SGCZ: variants seen among roughly 807,000 people sequenced by gnomAD.
The protein encoded by SGCZ is sarcoglycan zeta.
In SGCZ, 40 loss-of-function variants were observed where a neutral mutation model predicts 41.3. The observed-to-expected ratio is 0.97, with a 90% confidence interval of 0.75 to 1.26. The LOEUF (loss-of-function observed/expected upper bound fraction) is 1.26, where lower values mean the gene tolerates loss of function less well. Ranked by LOEUF, SGCZ falls within the 50% of genes most tolerant of loss-of-function variation. The pLI is 0.00. For missense variants in SGCZ, 552 were observed against 369.8 expected, an observed-to-expected ratio of 1.49 and a Z score of -4.04; for synonymous variants, 206 against 137.5, an observed-to-expected ratio of 1.50 and a Z score of -3.49.
chr8:14,921,130 C>A (rs1367469669), intron 1 of SGCZ, among the ~76,000 whole-genome samples: 1 of 152,168 alleles, frequency 6.6e-6, no homozygotes, highest in Non-Finnish European at 1.5e-5. Flanking sequence ...AGGACTGTTG[C>A]GATTGGATTA....
chr8:14,491,826 G>T (rs183369052), intron 2 of SGCZ, among the ~76,000 whole-genome samples: 1 of 147,204 alleles, frequency 6.8e-6, no homozygotes, highest in Admixed American at 7.0e-5. Context: ...AATGAATCAT[G>T]TATTACAACT....
At chr8:15,161,120 C>T (rs1275627374) in intron 1 of SGCZ, among the ~76,000 whole-genome samples, 1 of 152,058 alleles carries the variant, frequency 6.6e-6, no homozygotes, top group East Asian at 1.9e-4. Flanking sequence ...CCTGCTCCCT[C>T]TCTCACCTCC....
chr8:14,517,051 G>A (rs1016364149), intron 2 of SGCZ, among the ~76,000 whole-genome samples: 1 of 144,536 alleles, frequency 6.9e-6, no homozygotes, highest in Non-Finnish European at 1.6e-5. Flanking sequence ...CCTATGACTC[G>A]TAAATTTTCA....
rs568540418 is a variant in SGCZ, at chr8:15,211,390, T to G, written c.39+26195A>C. Among the ~76,000 whole-genome samples, 55 of 152,262 alleles carry G rather than the reference T, an allele frequency of 3.6e-4. No individual in the cohort carries two copies. In the South Asian group the frequency reaches 0.011, roughly 31 times the overall value. ...GTGCTTTCTGTGTTTTTGAAGTCTA[T>G]TCTTTTTCTCATTGTCCATACAACT... On this transcript the variant is annotated intron_variant, in intron 1 of 7. Transcript: ENST00000382080.
At chr8:14,443,072 A>G (rs1309848676) in intron 2 of SGCZ, among the ~76,000 whole-genome samples, 1 of 152,204 alleles carries the variant, frequency 6.6e-6, no homozygotes. Context: ...TGCTTCAAAG[A>G]AAATAAAATA....
chr8:14,145,911 G>C (rs569699071), intron 5 of SGCZ, among the ~76,000 whole-genome samples: 1 of 151,948 alleles, frequency 6.6e-6, no homozygotes, highest in Non-Finnish European at 1.5e-5. Flanking sequence ...GGAGGCAAAA[G>C]AATAAAAAAC....
chr8:14,874,966 G>T (rs1052953365), intron 1 of SGCZ, among the ~76,000 whole-genome samples: 1 of 152,136 alleles, frequency 6.6e-6, no homozygotes, highest in Non-Finnish European at 1.5e-5. Context: ...ACCTAATCAG[G>T]TGCATCAGCT....
intron 1 of SGCZ, among the ~76,000 whole-genome samples, chr8:15,164,174 T>G (rs1186352328): frequency 1.3e-5 from 2 of 152,230 alleles, no homozygotes; most frequent in African/African-American, 4.8e-5. Flanking sequence ...TCAGCTGAAC[T>G]AAGGAAAAGT....
At position 15,054,085 on chromosome 8, in the gene SGCZ, T is replaced by A. The variant is rs77312498; in HGVS notation, c.39+183500A>T. Among the ~76,000 whole-genome samples the A allele has an allele frequency of 7.3e-3, 1,112 of 152,314 alleles. 14 individuals are homozygous for A. Among genetic ancestry groups the A allele is most frequent in the African/African-American group, 0.024 (982 of 41,566 alleles). On this transcript the variant is annotated intron_variant, in intron 1 of 7. Coordinates refer to ENST00000382080, the MANE Select transcript of SGCZ (RefSeq NM_139167.4). Reference sequence around the variant, plus strand: ...GCTTTAGAGTCTAGTACCTTGACAATAACTAGGCAAAATGACATTGCCCAT... The same window carrying A: ...GCTTTAGAGTCTAGTACCTTGACAAAAACTAGGCAAAATGACATTGCCCAT...
At chr8:14,352,633 A>C (rs1803143375) in intron 2 of SGCZ, among the ~76,000 whole-genome samples, 1 of 152,102 alleles carries the variant, frequency 6.6e-6, no homozygotes, top group Non-Finnish European at 1.5e-5. Context: ...TTGGGTAACA[A>C]GCCCGTAGAG....
chr8:15,226,776 T>C (rs1801787665), intron 1 of SGCZ, among the ~76,000 whole-genome samples: 2 of 152,180 alleles, frequency 1.3e-5, no homozygotes, highest in Non-Finnish European at 2.9e-5. Flanking sequence ...ACATATGTCT[T>C]AGGATAAAAC....
At chr8:14,977,307 G>A (rs1055580636) in intron 1 of SGCZ, among the ~76,000 whole-genome samples, 1 of 152,174 alleles carries the variant, frequency 6.6e-6, no homozygotes, top group African/African-American at 2.4e-5. Flanking sequence ...GGAGAACAGA[G>A]CTTGGTCAAA....
intron 6 of SGCZ, among the ~76,000 whole-genome samples, chr8:14,104,260 A>G (rs1282784511): frequency 6.6e-6 from 1 of 152,188 alleles, no homozygotes; most frequent in East Asian, 1.9e-4. Context: ...TACAGCAAAT[A>G]TAGCAGTAAG....
intron 1 of SGCZ, among the ~76,000 whole-genome samples, chr8:14,614,301 A>T (rs923703631): frequency 6.6e-6 from 1 of 152,160 alleles, no homozygotes; most frequent in East Asian, 1.9e-4. Context: ...ATTGAAGAAC[A>T]TATTTTTCCA....
chr8:15,084,525 C>A (rs571038410), intron 1 of SGCZ, among the ~76,000 whole-genome samples: 8 of 152,066 alleles, frequency 5.3e-5, no homozygotes, highest in African/African-American at 1.9e-4. Context: ...CCGAGGCTGG[C>A]GGATAACCTG....
intron 1 of SGCZ, among the ~76,000 whole-genome samples, chr8:14,643,653 G>A (rs949467275): frequency 6.6e-6 from 1 of 151,584 alleles, no homozygotes; most frequent in Non-Finnish European, 1.5e-5. Flanking sequence ...ATATTCAACA[G>A]GAGCATCACT....
At chr8:14,856,217 T>G (rs929718140) in intron 1 of SGCZ, among the ~76,000 whole-genome samples, 4 of 152,180 alleles carry the variant, frequency 2.6e-5, no homozygotes, top group African/African-American at 7.2e-5. Context: ...AGATAAGTTA[T>G]GATTCAATGA....
rs1554513925 is a variant in SGCZ, at chr8:14,408,984, T to TGTGTGTGCATGTGTGC, written c.235-84781_235-84780insGCACACATGCACACAC. Among the ~76,000 whole-genome samples, 387 of 151,278 alleles carry TGTGTGTGCATGTGTGC rather than the reference T, an allele frequency of 2.6e-3. 3 individuals are homozygous for TGTGTGTGCATGTGTGC. Among genetic ancestry groups the TGTGTGTGCATGTGTGC allele is most frequent in the East Asian group, 0.021 (107 of 5,142 alleles). ...GTGTGTGTGTGTGCATGTGTGCGTGTGTGTGTGTGTGTATTTTGTTTTTGG... is the reference window on the plus strand; with the variant it reads ...GTGTGTGTGTGTGCATGTGTGCGTGTGTGTGTGCATGTGTGCGTGTGTGTGTGTATTTTGTTTTTGG... On this transcript the variant is annotated intron_variant, in intron 2 of 7. Coordinates refer to ENST00000382080, the MANE Select transcript of SGCZ (RefSeq NM_139167.4).
intron 1 of SGCZ, among the ~76,000 whole-genome samples, chr8:14,673,165 C>A (rs955607535): frequency 1.8e-4 from 27 of 152,038 alleles, no homozygotes; most frequent in African/African-American, 6.5e-4. Flanking sequence ...TGATGTTTAC[C>A]CTGTATTGTA....
Sources: allele counts gnomAD v4.1 joint callset (sites outside exome capture counted in the v4.1 genomes callset), GRCh38; gene constraint gnomAD v4.1.1; transcripts MANE v1.5; gene names NCBI Gene and HGNC (gene_info 2026-07-23, HGNC 2026-07-21).